The following ZNF33A variants were observed in gnomAD, a reference collection of about 807,000 sequenced individuals.
ZNF33A encodes zinc finger protein 33A, also known as brain my041 protein.
A neutral mutation model predicts 15.9 loss-of-function variants in ZNF33A; 9 were observed. The ratio of observed to expected loss-of-function variants is 0.57; its 90% CI spans 0.34 to 0.99. The LOEUF is 0.99. Among genes scored for constraint, ZNF33A ranks in the 50% least tolerant of loss-of-function variants. The pLI is 0.02. For missense variants in ZNF33A, 843 were observed against 941.6 expected, an observed-to-expected ratio of 0.90 and a Z score of 1.37; for synonymous variants, 294 against 324.2, an observed-to-expected ratio of 0.91 and a Z score of 1.00.
Position 38,054,763 on chromosome 10 carries a change from A to G in ZNF33A, c.639A>G (p.Gln213=). 11 of 1,613,652 alleles carry G rather than the reference A, an allele frequency of 6.8e-6. No individual in the cohort carries two copies. Among genetic ancestry groups the G allele is most frequent in the Non-Finnish European group, 9.3e-6 (11 of 1,179,918 alleles). The change falls in exon 5 of 5, where the codon CAA becomes CAG. Residue 213 remains glutamine, a synonymous_variant. Coordinates refer to ENST00000432900, the MANE Select transcript of ZNF33A (RefSeq NM_006954.2). ...AGACTTTGCAGCATGAGAAGATTCA[A>G]ACTTTAGAGCACAATTTTGAATACA... ...HEETLQHEKI[Q]TLEHNFEYSI...
chr10:38,010,721 G>C lies in ZNF33A; in HGVS notation c.-107G>C, dbSNP rs2064126436. Reference sequence around the variant, plus strand: ...TTTCTCAGGTTTTGCGTGGGAGGCGGTCCCGGGATTTCAAGGGTCTACGCG... The same window carrying C: ...TTTCTCAGGTTTTGCGTGGGAGGCGCTCCCGGGATTTCAAGGGTCTACGCG... On this transcript the variant is annotated 5_prime_UTR_variant, in exon 1 of 5. Coordinates refer to ENST00000432900, the MANE Select transcript of ZNF33A (RefSeq NM_006954.2). The C allele has an allele frequency of 1.3e-6, 2 of 1,598,388 alleles. No homozygotes were observed. Among genetic ancestry groups the C allele is most frequent in the South Asian group, 1.1e-5 (1 of 91,088 alleles).
At chr10:38,039,260 A>G (rs906704243) in intron 4 of ZNF33A, among the ~76,000 whole-genome samples, 2 of 151,214 alleles carry the variant, frequency 1.3e-5, no homozygotes, top group African/African-American at 2.4e-5. Flanking sequence ...GCCTCACTAT[A>G]TTGCCCAGGC....
intron 4 of ZNF33A, among the ~76,000 whole-genome samples, chr10:38,038,850 A>G (rs2065567682): frequency 6.6e-6 from 1 of 152,150 alleles, no homozygotes; most frequent in Non-Finnish European, 1.5e-5. Flanking sequence ...TCATGTGGTT[A>G]TTGTTTCTTT....
chr10:38,033,579 A>G (rs1052190639), intron 4 of ZNF33A, among the ~76,000 whole-genome samples: 5 of 152,220 alleles, frequency 3.3e-5, no homozygotes, highest in African/African-American at 1.2e-4. Context: ...CCAGCAATGC[A>G]TGAATTTTCC....
At chr10:38,047,321 CAT>C (rs1157691258) in intron 4 of ZNF33A, among the ~76,000 whole-genome samples, 6 of 147,962 alleles carry the variant, frequency 4.1e-5, no homozygotes, top group Admixed American at 6.8e-5. Flanking sequence ...AGAGAAAAAA[CAT>C]ATGTGAAAAA....
At chr10:38,050,803 G>A (rs1211794958) in intron 4 of ZNF33A, among the ~76,000 whole-genome samples, 3 of 152,230 alleles carry the variant, frequency 2.0e-5, no homozygotes, top group Non-Finnish European at 4.4e-5. Context: ...TACTGGGGCA[G>A]TAACTTCCAG....
chr10:38,039,454 T>C (rs916250871), intron 4 of ZNF33A: 6 of 455,032 alleles, frequency 1.3e-5, no homozygotes, highest in East Asian at 1.4e-4. Flanking sequence ...CTTAAACTCC[T>C]GAGTTCAAGT....
rs558180847 is a variant in ZNF33A, at chr10:38,026,423, C to T, written c.250+9037C>T. Among the ~76,000 whole-genome samples the T allele has an allele frequency of 5.3e-5, 8 of 152,314 alleles. No individual in the cohort carries two copies. The South Asian group carries it at 6.2e-4, about 12-fold the overall frequency. ...GATCTCGGCTCACCACAACCTCCGC[C>T]TCCTGGGTTCAAGTGATTCTTCTGA... On this transcript the variant is annotated intron_variant, in intron 4 of 4. Coordinates refer to ENST00000432900, the MANE Select transcript of ZNF33A (RefSeq NM_006954.2).
At chr10:38,015,282 G>T (rs1034331531) in intron 2 of ZNF33A, among the ~76,000 whole-genome samples, 5 of 151,808 alleles carry the variant, frequency 3.3e-5, no homozygotes, top group African/African-American at 1.2e-4. Context: ...TGTAGTCCTT[G>T]TTTCATTCTT....
intron 4 of ZNF33A, among the ~76,000 whole-genome samples, chr10:38,031,869 A>G (rs975755491): frequency 2.0e-5 from 3 of 152,134 alleles, no homozygotes; most frequent in African/African-American, 7.2e-5. Flanking sequence ...AGGCTGAGGC[A>G]GGAGAATTGC....
chr10:38,034,075 A>AT (rs1564851562), intron 4 of ZNF33A, among the ~76,000 whole-genome samples: 1 of 152,162 alleles, frequency 6.6e-6, no homozygotes, highest in African/African-American at 2.4e-5. Flanking sequence ...AATTTAAAAC[A>AT]TTCACTTTAT....
Position 38,056,243 on chromosome 10 carries a change from T to C in ZNF33A, c.2119T>C (p.Ser707Pro). ...ECGKFFRHKSSLTVHHRAHTG... is the reference protein window; with the variant it reads ...ECGKFFRHKSPLTVHHRAHTG... The stretch of plus-strand genomic sequence containing the variant: ...TGGGAAATTCTTCAGGCACAAATCA[T>C]CACTCACAGTACATCACAGGGCTCA... Residue 707 changes from serine to proline, a missense_variant, in exon 5 of 5, where the codon TCA becomes CCA. By Grantham distance (74) the Ser-to-Pro change is moderately conservative. Transcript: ENST00000432900. The C allele has an allele frequency of 6.2e-7, 1 of 1,614,074 alleles. No homozygotes were observed. Among genetic ancestry groups the C allele is most frequent in the Non-Finnish European group, 8.5e-7 (1 of 1,179,986 alleles).
upstream of ZNF33A, chr10:38,010,626 A>G: frequency 7.5e-7 from 1 of 1,341,428 alleles, no homozygotes; most frequent in Non-Finnish European, 1.1e-6. Flanking sequence ...AACAGCATCA[A>G]GCTGTGCGCG....
chr10:38,010,668 C>T (rs1400068847), upstream of ZNF33A: 6 of 1,578,674 alleles, frequency 3.8e-6, no homozygotes, highest in African/African-American at 1.3e-5. Flanking sequence ...CCGCCGGCTA[C>T]GTCTGCGTTT....
intron 4 of ZNF33A, among the ~76,000 whole-genome samples, chr10:38,047,345 T>A (rs2065991041): frequency 6.6e-6 from 1 of 151,430 alleles, no homozygotes; most frequent in Non-Finnish European, 1.5e-5. Flanking sequence ...AAGCAAGCCC[T>A]TGGGCTGGGT....
intron 1 of ZNF33A, among the ~76,000 whole-genome samples, chr10:38,011,895 A>G (rs1323431101): frequency 6.6e-6 from 1 of 152,234 alleles, no homozygotes; most frequent in Non-Finnish European, 1.5e-5. Context: ...CTGGGAAAAT[A>G]GATAGCTTAG....
At chr10:38,045,955 C>A (rs2065929882) in intron 4 of ZNF33A, among the ~76,000 whole-genome samples, 1 of 152,104 alleles carries the variant, frequency 6.6e-6, no homozygotes, top group Non-Finnish European at 1.5e-5. Flanking sequence ...GTGAGTGATA[C>A]TGTGCTTTAT....
intron 4 of ZNF33A, among the ~76,000 whole-genome samples, chr10:38,045,087 G>T (rs1472952534): frequency 6.6e-6 from 1 of 152,150 alleles, no homozygotes; most frequent in Non-Finnish European, 1.5e-5. Flanking sequence ...CTGTTTCTTT[G>T]TATGTCTTGT....
downstream of ZNF33A, among the ~76,000 whole-genome samples, chr10:38,061,970 A>G (rs1008557826): frequency 6.6e-6 from 1 of 152,146 alleles, no homozygotes; most frequent in Admixed American, 6.5e-5. Context: ...AAAACAAAAC[A>G]AAAAACAAGT....
Sources: allele counts gnomAD v4.1 joint callset (sites outside exome capture counted in the v4.1 genomes callset), GRCh38; gene constraint gnomAD v4.1.1; transcripts MANE v1.5; gene names NCBI Gene and HGNC (gene_info 2026-07-23, HGNC 2026-07-21).